Variants in PIEZO2 observed in about 807,000 individuals in gnomAD.
The protein encoded by PIEZO2 is piezo-type mechanosensitive ion channel component 2.
PIEZO2 carries 172 observed loss-of-function variants against 337.3 expected under a neutral mutation model. The ratio of observed to expected loss-of-function variants is 0.51; its 90% CI spans 0.45 to 0.58. PIEZO2 has a LOEUF of 0.58. Among genes scored for constraint, PIEZO2 ranks in the 20% least tolerant of loss-of-function variants. PIEZO2 has a pLI of 0.00. For missense variants in PIEZO2, 3,028 were observed against 3,391.3 expected (o/e 0.89, Z 2.66); for synonymous variants, 1,251 against 1,228.5 (o/e 1.02, Z -0.38).
chr18:10,970,548 G>A (rs145094989), intron 3 of PIEZO2, among the ~76,000 whole-genome samples: 60 of 152,256 alleles, frequency 3.9e-4, no homozygotes, highest in African/African-American at 1.4e-3. Context: ...GGACTAGCAG[G>A]ACTATAATGC....
chr18:11,064,489 A>T (rs925953801), intron 2 of PIEZO2, among the ~76,000 whole-genome samples: 1 of 152,164 alleles, frequency 6.6e-6, no homozygotes. Flanking sequence ...TTAGTTCATG[A>T]TATTTCTTTA....
chr18:10,998,337 TAC>T (rs758306782), intron 2 of PIEZO2, among the ~76,000 whole-genome samples: 1 of 134,982 alleles, frequency 7.4e-6, no homozygotes, highest in African/African-American at 2.9e-5. Flanking sequence ...GATATTTGTT[TAC>T]ACACACACAC....
chr18:10,731,663 T>C, intron 35 of PIEZO2, 142 bp from the exon 36 acceptor site: 20 of 346,470 alleles, frequency 5.8e-5, no homozygotes, highest in Non-Finnish European at 7.1e-5. Flanking sequence ...TATCATGAGA[T>C]TCAATTTTTT....
chr18:10,874,897 T>C (rs1158739274), intron 4 of PIEZO2, among the ~76,000 whole-genome samples: 2 of 152,154 alleles, frequency 1.3e-5, no homozygotes, highest in Admixed American at 6.6e-5. Context: ...TAATGTTCAA[T>C]AGCACAGTAG....
At chr18:10,691,106 CACA>C (rs2143622484) in intron 48 of PIEZO2, 116 bp downstream of exon 48, 3 of 1,186,648 alleles carry the variant, frequency 2.5e-6, no homozygotes, top group South Asian at 3.0e-5. Context: ...GTAAGAGTTC[CACA>C]ACGATTCCCA....
At chr18:10,810,151 G>T (rs1189025598) in intron 7 of PIEZO2, among the ~76,000 whole-genome samples, 1 of 152,136 alleles carries the variant, frequency 6.6e-6, no homozygotes, top group Non-Finnish European at 1.5e-5. Context: ...TAATAATGTT[G>T]ATGGGTGGGG....
chr18:11,128,385 C>T lies in PIEZO2; in HGVS notation c.64+20140G>A, dbSNP rs923810694. Among the ~76,000 whole-genome samples the T allele has an allele frequency of 3.9e-5, 6 of 152,116 alleles. No individual in the cohort carries two copies. Among genetic ancestry groups the T allele is most frequent in the Non-Finnish European group, 5.9e-5 (4 of 68,038 alleles). ...TGCAACGAAAGATACATGCACAGCC[C>T]CGCCAGGTGTCTACTGTTAAAGTGA... is the stretch of plus-strand genomic sequence containing the variant. On this transcript the variant is annotated intron_variant, in intron 1 of 55. Coordinates refer to ENST00000674853, the MANE Select transcript of PIEZO2 (RefSeq NM_001378183.1). The surrounding 1 kb of genome is among the most constrained non-coding windows in gnomAD (Gnocchi z 4.1).
Position 10,794,866 on chromosome 18 carries a change from A to G in PIEZO2, c.1664T>C (p.Leu555Ser), listed in dbSNP as rs1216686916. ...PFMVVYGNLL[L>S]ILQYIWSFEL... The stretch of plus-strand genomic sequence containing the variant: ...AAAACTCCATATATACTGTAATATC[A>G]ACAATAGGTTTCCATAAACCACCAT... The change falls in exon 13 of 56, where the codon TTG becomes TCG. Residue 555 changes from leucine to serine, a missense_variant. Leu to Ser is a moderately radical substitution (Grantham distance 145). Around this residue, in one of 5 missense-constraint regions of PIEZO2, gnomAD observed 50 missense variants for 88.2 expected, o/e 0.57. Transcript: ENST00000674853. The surrounding 1 kb of genome is among the most constrained non-coding windows in gnomAD (Gnocchi z 6.6). 6.5e-7 allele frequency: 1 copy of G among 1,537,350 alleles called. No homozygotes were observed. The highest frequency in any genetic ancestry group is 8.7e-7 in the Non-Finnish European group (1 of 1,146,704).
chr18:10,811,208 C>A (rs911949351), intron 7 of PIEZO2, among the ~76,000 whole-genome samples: 1 of 152,172 alleles, frequency 6.6e-6, no homozygotes, highest in Non-Finnish European at 1.5e-5. Flanking sequence ...TCCAAAGTCA[C>A]CATCGCCGGG....
chr18:10,695,149 C>G (rs114076947), intron 47 of PIEZO2, among the ~76,000 whole-genome samples: 45 of 152,286 alleles, frequency 3.0e-4, no homozygotes, highest in Admixed American at 5.9e-4. Flanking sequence ...TTTTCTTTGC[C>G]GAAATGACCA....
chr18:10,681,788 C>T (rs748900357), intron 50 of PIEZO2, 35 bp from the exon 51 acceptor site: 15 of 1,501,546 alleles, frequency 1.0e-5, no homozygotes, highest in Non-Finnish European at 1.3e-5. Context: ...GTCAATATTC[C>T]CCAGCTCTTC....
intron 4 of PIEZO2, among the ~76,000 whole-genome samples, chr18:10,880,846 C>CATATATAT (rs56271617): frequency 4.7e-4 from 32 of 68,058 alleles, no homozygotes; most frequent in African/African-American, 6.8e-4. Flanking sequence ...TCCCACATAT[C>CATATATAT]ATATATATAT....
intron 5 of PIEZO2, among the ~76,000 whole-genome samples, chr18:10,867,484 T>C (rs1207680707): frequency 6.6e-6 from 1 of 152,232 alleles, no homozygotes; most frequent in Non-Finnish European, 1.5e-5. Flanking sequence ...CATCCCTGAA[T>C]TTTTAGCAGA....
At chr18:10,782,090 T>A (rs936952039) in intron 17 of PIEZO2, among the ~76,000 whole-genome samples, 2 of 145,656 alleles carry the variant, frequency 1.4e-5, no homozygotes, top group Admixed American at 7.2e-5. Context: ...ATATTTAAAC[T>A]TTGAACATTA....
chr18:10,778,912 C>G (rs975882401), intron 18 of PIEZO2, among the ~76,000 whole-genome samples: 1 of 152,160 alleles, frequency 6.6e-6, no homozygotes, highest in Non-Finnish European at 1.5e-5. Context: ...TCTCAGCTTT[C>G]TCTTTACAAA....
At chr18:10,871,118 AG>A in intron 5 of PIEZO2, 134 bp downstream of exon 5, 1 of 929,504 alleles carries the variant, frequency 1.1e-6, no homozygotes, top group East Asian at 2.8e-5. Flanking sequence ...GCAATTTGAC[AG>A]TAAACGTTTA....
chr18:11,012,056 T>G (rs558711484), intron 2 of PIEZO2, among the ~76,000 whole-genome samples: 1 of 148,750 alleles, frequency 6.7e-6, no homozygotes, highest in East Asian at 2.0e-4. Context: ...TATTGTCTTA[T>G]CCCTTTGCAA....
At chr18:10,817,324 C>T (rs893068342) in intron 7 of PIEZO2, among the ~76,000 whole-genome samples, 14 of 152,132 alleles carry the variant, frequency 9.2e-5, no homozygotes, top group African/African-American at 2.9e-4. Flanking sequence ...AGAATTAAAA[C>T]ACTCTATTAA....
intron 3 of PIEZO2, among the ~76,000 whole-genome samples, chr18:10,971,912 G>A (rs1053243799): frequency 2.6e-5 from 4 of 152,090 alleles, no homozygotes; most frequent in African/African-American, 4.8e-5. Flanking sequence ...AGCCTAAGGC[G>A]AGGCACTTTT....
Sources: allele counts gnomAD v4.1 joint callset (sites outside exome capture counted in the v4.1 genomes callset), GRCh38; gene constraint gnomAD v4.1.1; regional missense constraint gnomAD v4.1.1; non-coding constraint Gnocchi (gnomAD v3.1); transcripts MANE v1.5; gene names NCBI Gene and HGNC (gene_info 2026-07-23, HGNC 2026-07-21).